CLPB: variants seen among roughly 807,000 people sequenced by gnomAD.
The protein encoded by CLPB is mitochondrial disaggregase.
A neutral mutation model predicts 78.4 loss-of-function variants in CLPB; 40 were observed. The ratio of observed to expected loss-of-function variants is 0.51; its 90% CI spans 0.40 to 0.66. The LOEUF (loss-of-function observed/expected upper bound fraction) is 0.66, where lower values mean the gene tolerates loss of function less well. Ranked by LOEUF, CLPB falls within the 30% of genes least tolerant of loss-of-function variation. The pLI, the probability that CLPB is intolerant of heterozygous loss-of-function variation, is 0.00. For missense variants in CLPB, 780 were observed against 886.9 expected, an observed-to-expected ratio of 0.88 and a Z score of 1.53; for synonymous variants, 333 against 348.0, an observed-to-expected ratio of 0.96 and a Z score of 0.48.
At chr11:72,369,431 T>C (rs1245610321) in intron 4 of CLPB, among the ~76,000 whole-genome samples, 4 of 143,112 alleles carry the variant, frequency 2.8e-5, no homozygotes, top group African/African-American at 5.0e-5. Flanking sequence ...CCCACCCCCA[T>C]CCTATCCAAA....
intron 3 of CLPB, among the ~76,000 whole-genome samples, chr11:72,394,262 T>C (rs1855338138): frequency 6.6e-6 from 1 of 152,172 alleles, no homozygotes; most frequent in African/African-American, 2.4e-5. Flanking sequence ...TTTAAAGAAG[T>C]CTCTTAAAGA....
chr11:72,430,702 A>G (rs1372640099), intron 1 of CLPB, among the ~76,000 whole-genome samples: 1 of 152,168 alleles, frequency 6.6e-6, no homozygotes, highest in Non-Finnish European at 1.5e-5. Flanking sequence ...TGTTCCTATA[A>G]GAGTTATTAC....
chr11:72,386,738 C>G (rs566811316), intron 3 of CLPB, among the ~76,000 whole-genome samples: 1 of 152,246 alleles, frequency 6.6e-6, no homozygotes, highest in Non-Finnish European at 1.5e-5. Flanking sequence ...AAATTACCTT[C>G]AAAGGTAATT....
intron 5 of CLPB, among the ~76,000 whole-genome samples, chr11:72,347,390 G>C (rs1352608242): frequency 1.3e-5 from 2 of 152,286 alleles, no homozygotes; most frequent in African/African-American, 4.8e-5. Flanking sequence ...CCAGGAATTA[G>C]AGATTGGAGT....
intron 6 of CLPB, among the ~76,000 whole-genome samples, chr11:72,322,549 T>A (rs1252034467): frequency 1.3e-5 from 2 of 152,066 alleles, no homozygotes; most frequent in Non-Finnish European, 2.9e-5. Flanking sequence ...GCCAGTGGAG[T>A]AAACTAGAGA....
At chr11:72,392,816 G>C (rs1316593536) in intron 3 of CLPB, among the ~76,000 whole-genome samples, 2 of 152,180 alleles carry the variant, frequency 1.3e-5, no homozygotes, top group Non-Finnish European at 2.9e-5. Context: ...AACCAGGTCT[G>C]TCTGAGTCTA....
Position 72,373,006 on chromosome 11 carries a change from G to GT in CLPB, c.646+7274dup, listed in dbSNP as rs1951072912. ...GTGATGTGCCGGCTTGCACCGTCCT[G>GT]TCCCCCATCTGAAGACACAGAGATG... On this transcript the variant is annotated intron_variant, in intron 4 of 15. Transcript: ENST00000538039. 1.2e-6 allele frequency: 2 copies of GT among 1,614,008 alleles called. No individual in the cohort carries two copies. Among genetic ancestry groups the GT allele is most frequent in the Middle Eastern group, 3.3e-4 (2 of 6,062 alleles).
intron 8 of CLPB, among the ~76,000 whole-genome samples, chr11:72,307,745 G>C (rs1262376497): frequency 1.3e-5 from 2 of 152,210 alleles, no homozygotes; most frequent in African/African-American, 4.8e-5. Flanking sequence ...CACAGAGAAG[G>C]AATGACAATA....
At chr11:72,339,970 A>T (rs1349784007) in intron 5 of CLPB, among the ~76,000 whole-genome samples, 1 of 152,176 alleles carries the variant, frequency 6.6e-6, no homozygotes, top group African/African-American at 2.4e-5. Flanking sequence ...TGTGCATGAC[A>T]TTTTGCTCTT....
At chr11:72,350,902 G>A (rs1339651324) in intron 5 of CLPB, among the ~76,000 whole-genome samples, 3 of 152,044 alleles carry the variant, frequency 2.0e-5, no homozygotes, top group Non-Finnish European at 4.4e-5. Flanking sequence ...GAGGTTTCTC[G>A]TATACTTAGA....
chr11:72,428,885 A>T (rs1345747672), intron 2 of CLPB: 8 of 152,254 alleles, frequency 5.3e-5, no homozygotes, highest in African/African-American at 1.9e-4. Flanking sequence ...AGAACTAAAT[A>T]ATCAATGCCT....
At chr11:72,348,499 G>A (rs1236856951) in intron 5 of CLPB, among the ~76,000 whole-genome samples, 2 of 152,086 alleles carry the variant, frequency 1.3e-5, no homozygotes, top group African/African-American at 4.8e-5. Context: ...TCCTGTTGCT[G>A]CCTCACCTGA....
chr11:72,325,091 C>T (rs894228848), intron 6 of CLPB, among the ~76,000 whole-genome samples: 1 of 152,014 alleles, frequency 6.6e-6, no homozygotes, highest in Non-Finnish European at 1.5e-5. Flanking sequence ...CAGGCTGGCA[C>T]GAGCACGTTC....
At chr11:72,344,440 G>A (rs1037015203) in intron 5 of CLPB, among the ~76,000 whole-genome samples, 8 of 151,596 alleles carry the variant, frequency 5.3e-5, no homozygotes, top group Admixed American at 3.9e-4. Flanking sequence ...TCAAACTCCC[G>A]GGCTCAAGCC....
At chr11:72,346,088 G>A (rs1950508029) in intron 5 of CLPB, among the ~76,000 whole-genome samples, 2 of 152,146 alleles carry the variant, frequency 1.3e-5, no homozygotes, top group African/African-American at 2.4e-5. Flanking sequence ...AGAATGTGGG[G>A]CAGATGAGGG....
At position 72,289,903 on chromosome 11, in the gene CLPB, T is replaced by G. The variant is rs192068401; in HGVS notation, c.*3464A>C. On this transcript the variant is annotated 3_prime_UTR_variant, in exon 16 of 16. Transcript: ENST00000538039. Reference sequence around the variant, plus strand: ...CGGTTTTTAATAACATACAGATGGATAGAATAATAAATTCAGGTGCTTGTA... The same window carrying G: ...CGGTTTTTAATAACATACAGATGGAGAGAATAATAAATTCAGGTGCTTGTA... 6.6e-6 allele frequency: 1 copy of G among 152,168 alleles called. No homozygotes were observed. Among genetic ancestry groups the G allele is most frequent in the South Asian group, 2.1e-4 (1 of 4,828 alleles). 9.4% of individuals were successfully genotyped at this position (152,168 alleles called of 1,614,324 possible).
chr11:72,388,600 T>C (rs1855155132), intron 3 of CLPB, among the ~76,000 whole-genome samples: 1 of 152,044 alleles, frequency 6.6e-6, no homozygotes, highest in Non-Finnish European at 1.5e-5. Flanking sequence ...CACTGTGGGG[T>C]ATAGACAGGG....
At chr11:72,396,848 C>G (rs1040936320) in intron 3 of CLPB, among the ~76,000 whole-genome samples, 1 of 152,090 alleles carries the variant, frequency 6.6e-6, no homozygotes, top group African/African-American at 2.4e-5. Context: ...TCTCAGTATG[C>G]CACTGGTCAC....
intron 9 of CLPB, among the ~76,000 whole-genome samples, chr11:72,306,980 T>G (rs1344126143): frequency 6.6e-6 from 1 of 152,204 alleles, no homozygotes; most frequent in African/African-American, 2.4e-5. Context: ...ATTCCTATTT[T>G]ACAGATGAAG....
Sources: allele counts gnomAD v4.1 joint callset (sites outside exome capture counted in the v4.1 genomes callset), GRCh38; gene constraint gnomAD v4.1.1; transcripts MANE v1.5; gene names NCBI Gene and HGNC (gene_info 2026-07-23, HGNC 2026-07-21).